The following BANP variants were observed in gnomAD, a reference collection of about 807,000 sequenced individuals.
BANP encodes the protein BTG3 associated nuclear protein.
BANP carries 11 observed loss-of-function variants against 68.1 expected under a neutral mutation model. The observed-to-expected ratio is 0.16, with a 90% CI of 0.10 to 0.27. The LOEUF (loss-of-function observed/expected upper bound fraction) is 0.27. Ranked by LOEUF, BANP falls within the 10% of genes least tolerant of loss-of-function variation. The probability of loss-of-function intolerance (pLI) is 1.00; values close to 1 mark genes in which losing one functional copy is unlikely to be tolerated. For synonymous variants in BANP, 329 were observed against 303.2 expected, an observed-to-expected ratio of 1.09 and a Z score of -0.88; for missense variants, 504 against 722.7, an observed-to-expected ratio of 0.70 and a Z score of 3.47.
At chr16:88,011,921 A>T (rs538290284) in intron 6 of BANP, among the ~76,000 whole-genome samples, 3 of 152,278 alleles carry the variant, frequency 2.0e-5, no homozygotes, top group African/African-American at 7.2e-5. Flanking sequence ...AGCATCCGTT[A>T]TGTGATATCG....
At position 88,003,444 on chromosome 16, in the gene BANP, C is replaced by T. The variant is rs2070018538; in HGVS notation, c.363-851C>T. 1 of 456,146 alleles carries T rather than the reference C, an allele frequency of 2.2e-6. No homozygotes were observed. The highest frequency in any genetic ancestry group is 1.5e-5 in the South Asian group (1 of 64,536). The allele number at this position is 456,146 out of a possible 1,614,324, so 28.3% of individuals were successfully genotyped here. On this transcript the variant is annotated intron_variant, in intron 4 of 13. Coordinates refer to ENST00000682872, the MANE Select transcript of BANP (RefSeq NM_001386991.1). This position sits in a 1 kb window ranked among gnomAD's most constrained non-coding sequence, Gnocchi z 6.1. ...TGGAGTTTTATTGTCAGGTGATAAT[C>T]ACGTTGTGTTTCTAGTGCTAGTTCT...
chr16:88,018,290 G>T lies in BANP; in HGVS notation c.656-138G>T. 1 of 1,103,890 alleles carries T rather than the reference G, an allele frequency of 9.1e-7. No homozygotes were observed. The highest frequency in any genetic ancestry group is 1.5e-5 in the South Asian group (1 of 65,972). The allele number at this position is 1,103,890 out of a possible 1,614,324, so 68.4% of individuals were successfully genotyped here. A position where few individuals can be genotyped will look rare whatever the true frequency, so the allele number is the denominator to read the frequency against. On this transcript the variant is annotated intron_variant, in intron 6 of 13. Coordinates refer to ENST00000682872, the MANE Select transcript of BANP (RefSeq NM_001386991.1). The surrounding 1 kb of genome is among the most constrained non-coding windows in gnomAD (Gnocchi z 7.7). The stretch of plus-strand genomic sequence containing the variant: ...GGAGGCTCCAGCGCTCTTGGTGACT[G>T]CCTCACAAGTTACGAGGGATTTGCC...
intron 11 of BANP, among the ~76,000 whole-genome samples, chr16:88,049,739 A>G (rs930151732): frequency 1.3e-5 from 2 of 152,056 alleles, no homozygotes; most frequent in Non-Finnish European, 2.9e-5. Context: ...GTCACGGGGG[A>G]GATGGCTGGA....
chr16:88,014,404 G>C (rs1177669249), intron 6 of BANP, among the ~76,000 whole-genome samples: 2 of 151,952 alleles, frequency 1.3e-5, no homozygotes, highest in African/African-American at 2.4e-5. Flanking sequence ...CACCCCCCAG[G>C]AGCTGGCTGT....
intron 1 of BANP, chr16:87,969,971 G>C (rs11646255): frequency 4.8e-5 from 7 of 146,778 alleles, no homozygotes; most frequent in Non-Finnish European, 8.9e-5. Context: ...GCAGTGGCAC[G>C]GTCTCAGTTC....
intron 13 of BANP, among the ~76,000 whole-genome samples, chr16:88,072,677 C>T (rs11641667): frequency 0.27 from 40,950 of 152,200 alleles, 6,646 homozygotes; most frequent in Non-Finnish European, 0.38. Flanking sequence ...CCCAGCGGGC[C>T]CAGGCCAGCA....
chr16:88,072,983 C>T (rs1246203469), intron 13 of BANP, among the ~76,000 whole-genome samples: 1 of 152,242 alleles, frequency 6.6e-6, no homozygotes, highest in Non-Finnish European at 1.5e-5. Context: ...CCGCTCCTTT[C>T]TGTGGACCCA....
chr16:88,056,565 T>C (rs939591475), intron 11 of BANP, among the ~76,000 whole-genome samples: 6 of 152,218 alleles, frequency 3.9e-5, no homozygotes, highest in Non-Finnish European at 5.9e-5. Flanking sequence ...AAGGGCTCGC[T>C]GTTAGCTGAA....
intron 11 of BANP, among the ~76,000 whole-genome samples, chr16:88,043,573 A>C (rs1183161520): frequency 6.6e-6 from 1 of 152,192 alleles, no homozygotes; most frequent in African/African-American, 2.4e-5. Context: ...ATTCGGAATG[A>C]TTTAGGTAGA....
intron 4 of BANP, among the ~76,000 whole-genome samples, chr16:87,995,681 T>C (rs1462343046): frequency 1.3e-5 from 2 of 152,224 alleles, no homozygotes; most frequent in African/African-American, 4.8e-5. Context: ...AAACTTGTAC[T>C]TGTTCAAATA....
intron 11 of BANP, among the ~76,000 whole-genome samples, chr16:88,047,156 A>T (rs978680996): frequency 5.9e-5 from 9 of 152,018 alleles, no homozygotes; most frequent in Non-Finnish European, 1.3e-4. Flanking sequence ...GGGAGGTGGC[A>T]TTGTTTGTGT....
At chr16:87,953,316 G>C (rs1394150692) in intron 1 of BANP, among the ~76,000 whole-genome samples, 1 of 152,150 alleles carries the variant, frequency 6.6e-6, no homozygotes, top group Non-Finnish European at 1.5e-5. Flanking sequence ...GTTCTTCAAA[G>C]AGGTTTACAT....
chr16:88,061,152 T>A (rs2086662180), intron 11 of BANP, among the ~76,000 whole-genome samples: 1 of 152,236 alleles, frequency 6.6e-6, no homozygotes, highest in South Asian at 2.1e-4. Context: ...GCTGAAACGC[T>A]GGAGCCAGCC....
chr16:87,981,932 G>C (rs2063353072), intron 3 of BANP, among the ~76,000 whole-genome samples: 1 of 152,250 alleles, frequency 6.6e-6, no homozygotes, highest in Admixed American at 6.5e-5. Flanking sequence ...CGGCACATGT[G>C]AGAAGGTTAT....
chr16:88,034,622 C>G (rs1486015693), intron 9 of BANP, among the ~76,000 whole-genome samples: 2 of 152,216 alleles, frequency 1.3e-5, no homozygotes, highest in African/African-American at 4.8e-5. Flanking sequence ...CGTAGCCTCC[C>G]AGTATCCCCA....
chr16:87,998,323 C>G (rs2067863216), intron 4 of BANP, among the ~76,000 whole-genome samples: 1 of 152,362 alleles, frequency 6.6e-6, no homozygotes, highest in Non-Finnish European at 1.5e-5. Context: ...GGAATGTCAG[C>G]TGTCTGTCAC....
chr16:87,992,819 G>C (rs1399531239), intron 4 of BANP, among the ~76,000 whole-genome samples: 2 of 151,822 alleles, frequency 1.3e-5, no homozygotes, highest in African/African-American at 4.8e-5. Context: ...AATAAATGTA[G>C]AATTTCTTGA....
intron 6 of BANP, among the ~76,000 whole-genome samples, chr16:88,007,902 T>C (rs1226221700): frequency 6.6e-6 from 1 of 152,202 alleles, no homozygotes; most frequent in African/African-American, 2.4e-5. Context: ...TAAAATTGAC[T>C]GTTTTAAAGC....
At chr16:87,977,454 C>A (rs186154075) in intron 2 of BANP, among the ~76,000 whole-genome samples, 1 of 151,936 alleles carries the variant, frequency 6.6e-6, no homozygotes, top group South Asian at 2.1e-4. Flanking sequence ...CACAGAGCTC[C>A]GAGGCCTGCC....
Sources: allele counts gnomAD v4.1 joint callset (sites outside exome capture counted in the v4.1 genomes callset), GRCh38; gene constraint gnomAD v4.1.1; non-coding constraint Gnocchi (gnomAD v3.1); transcripts MANE v1.5; gene names NCBI Gene and HGNC (gene_info 2026-07-23, HGNC 2026-07-21).